Variants in PRKN observed in about 807,000 individuals in gnomAD.
PRKN encodes the protein E3 ubiquitin-protein ligase parkin.
In PRKN, 56 loss-of-function variants were observed where a neutral mutation model predicts 59.5. The ratio of observed to expected loss-of-function variants is 0.94; its 90% CI spans 0.76 to 1.18. PRKN has a LOEUF of 1.18. Among genes scored for constraint, PRKN ranks in the 50% most tolerant of loss-of-function variants. The pLI, the probability that PRKN is intolerant of heterozygous loss-of-function variation, is 0.00. For missense variants in PRKN, 657 were observed against 596.4 expected, an observed-to-expected ratio of 1.10 and a Z score of -1.06; for synonymous variants, 250 against 222.1, an observed-to-expected ratio of 1.13 and a Z score of -1.12.
Position 161,998,283 on chromosome 6 carries a change from C to A in PRKN, c.619-24866G>T, listed in dbSNP as rs540094628. 2.0e-5 allele frequency among the ~76,000 whole-genome samples: 3 copies of A among 152,166 alleles called. No individual in the cohort carries two copies. In the South Asian group the frequency reaches 6.2e-4, roughly 32 times the overall value. ...TCCTCAAACACACAAAGTAGATACACTGTCATAAATCTTTATTCGTGCTAT... is the reference window on the plus strand; with the variant it reads ...TCCTCAAACACACAAAGTAGATACAATGTCATAAATCTTTATTCGTGCTAT... On this transcript the variant is annotated intron_variant, in intron 5 of 11. Transcript: ENST00000366898.
At chr6:161,695,701 G>A (rs912691659) in intron 7 of PRKN, among the ~76,000 whole-genome samples, 9 of 152,152 alleles carry the variant, frequency 5.9e-5, no homozygotes, top group South Asian at 2.1e-4. Context: ...CCATAGAAGC[G>A]GCTGCTAGAG....
At chr6:161,474,236 C>A (rs1373027127) in intron 9 of PRKN, among the ~76,000 whole-genome samples, 2 of 152,142 alleles carry the variant, frequency 1.3e-5, no homozygotes, top group East Asian at 3.9e-4. Flanking sequence ...CGGAAGTGCC[C>A]AGCACAGGGC....
At chr6:162,095,012 A>C (rs1304135365) in intron 4 of PRKN, among the ~76,000 whole-genome samples, 4 of 152,164 alleles carry the variant, frequency 2.6e-5, no homozygotes, top group Non-Finnish European at 5.9e-5. Flanking sequence ...GGACAGTCAC[A>C]CAGATGGAGA....
chr6:162,485,347 G>C (rs1199829618), intron 1 of PRKN, among the ~76,000 whole-genome samples: 2 of 152,148 alleles, frequency 1.3e-5, no homozygotes, highest in African/African-American at 4.8e-5. Flanking sequence ...AAACATGTGG[G>C]CACAGTGACT....
intron 8 of PRKN, among the ~76,000 whole-genome samples, chr6:161,565,720 A>C (rs1016481361): frequency 6.6e-6 from 1 of 152,096 alleles, no homozygotes; most frequent in Non-Finnish European, 1.5e-5. Context: ...TCAGGCATTT[A>C]CTTATAGCAA....
chr6:162,132,216 A>C (rs1781391108), intron 4 of PRKN, among the ~76,000 whole-genome samples: 1 of 152,178 alleles, frequency 6.6e-6, no homozygotes, highest in African/African-American at 2.4e-5. Context: ...AGTAGTCGTG[A>C]AAAGGCAGAT....
At chr6:161,872,156 G>T (rs1321631733) in intron 6 of PRKN, among the ~76,000 whole-genome samples, 1 of 152,060 alleles carries the variant, frequency 6.6e-6, no homozygotes, top group Non-Finnish European at 1.5e-5. Flanking sequence ...GCTATGGAAG[G>T]GTAAGTGCAT....
intron 2 of PRKN, among the ~76,000 whole-genome samples, chr6:162,324,709 A>G (rs1783186556): frequency 6.6e-6 from 1 of 152,152 alleles, no homozygotes; most frequent in African/African-American, 2.4e-5. Context: ...ATATACAATT[A>G]AAATGGCCTC....
intron 4 of PRKN, among the ~76,000 whole-genome samples, chr6:162,090,009 G>A (rs1304926062): frequency 6.6e-6 from 1 of 152,114 alleles, no homozygotes; most frequent in African/African-American, 2.4e-5. Flanking sequence ...CTACTAAACT[G>A]TACACGTAAA....
chr6:162,151,398 A>G (rs1020167034), intron 4 of PRKN, among the ~76,000 whole-genome samples: 58 of 152,354 alleles, frequency 3.8e-4, no homozygotes, highest in African/African-American at 1.3e-3. Flanking sequence ...AACATATGCC[A>G]GTCTCTTTCT....
intron 7 of PRKN, among the ~76,000 whole-genome samples, chr6:161,739,789 C>G (rs1312004670): frequency 6.6e-6 from 1 of 151,724 alleles, no homozygotes; most frequent in African/African-American, 2.4e-5. Context: ...GAGTCTTGCT[C>G]TGTCCTGCAG....
chr6:161,517,166 T>C (rs79720500), intron 9 of PRKN, among the ~76,000 whole-genome samples: 8,103 of 152,234 alleles, frequency 0.053, 408 homozygotes, highest in Admixed American at 0.17. Context: ...TTCTTTTATC[T>C]GGGAAGCACA....
At chr6:162,121,790 C>A (rs1409470216) in intron 4 of PRKN, among the ~76,000 whole-genome samples, 3 of 152,112 alleles carry the variant, frequency 2.0e-5, no homozygotes, top group African/African-American at 7.2e-5. Flanking sequence ...TACCTGTGGA[C>A]TCCTAGGAGA....
At chr6:161,408,425 A>G (rs11964719) in intron 9 of PRKN, among the ~76,000 whole-genome samples, 1,918 of 151,474 alleles carry the variant, frequency 0.013, 44 homozygotes, top group African/African-American at 0.044. Flanking sequence ...CTCTACAGCA[A>G]TGAGTCAAAA....
chr6:162,182,460 G>A (rs1200432893), intron 4 of PRKN, among the ~76,000 whole-genome samples: 2 of 152,110 alleles, frequency 1.3e-5, no homozygotes, highest in African/African-American at 4.8e-5. Context: ...GGAACTGGGC[G>A]GGGTGGATCT....
chr6:162,418,190 A>G (rs1214433127), intron 2 of PRKN, among the ~76,000 whole-genome samples: 1 of 152,246 alleles, frequency 6.6e-6, no homozygotes, highest in Non-Finnish European at 1.5e-5. Context: ...AATGAAGTGC[A>G]GATTCATGCT....
intron 7 of PRKN, among the ~76,000 whole-genome samples, chr6:161,732,770 A>G (rs141527825): frequency 1.3e-5 from 2 of 152,258 alleles, no homozygotes; most frequent in African/African-American, 4.8e-5. Flanking sequence ...TCAGAGTTTT[A>G]TGGGGCTATT....
intron 1 of PRKN, among the ~76,000 whole-genome samples, chr6:162,540,322 C>T (rs962245040): frequency 8.5e-5 from 13 of 152,066 alleles, no homozygotes; most frequent in South Asian, 4.1e-4. Flanking sequence ...CTCTGCCTCA[C>T]GGGTTCAAGC....
Position 161,386,789 on chromosome 6 carries a change from T to G in PRKN, c.1167+5A>C. On this transcript the variant is annotated splice_donor_5th_base_variant and intron_variant, in intron 10 of 11. Transcript: ENST00000366898. This position sits in a 1 kb window ranked among gnomAD's most constrained non-coding sequence, Gnocchi z 4.3. ...GCTTGGAGGAATGAGTAGGGCATTC[T>G]GTACCTGAGTAGTTGTTCCTGAGGC... is the stretch of plus-strand genomic sequence containing the variant. The G allele has an allele frequency of 2.5e-6, 4 of 1,605,998 alleles. No individual in the cohort carries two copies. The South Asian group carries it at 4.4e-5, about 18-fold the overall frequency.
Sources: allele counts gnomAD v4.1 joint callset (sites outside exome capture counted in the v4.1 genomes callset), GRCh38; gene constraint gnomAD v4.1.1; non-coding constraint Gnocchi (gnomAD v3.1); transcripts MANE v1.5; gene names NCBI Gene and HGNC (gene_info 2026-07-23, HGNC 2026-07-21).